Variants in PITPNC1 observed in about 807,000 individuals in gnomAD.
PITPNC1 encodes cytoplasmic phosphatidylinositol transfer protein 1.
In PITPNC1, 18 loss-of-function variants were observed where a neutral mutation model predicts 44.7. The ratio of observed to expected loss-of-function variants is 0.40; its 90% CI spans 0.28 to 0.60. The LOEUF is 0.60. PITPNC1 is among the 20% of genes least tolerant of loss of function. The probability of loss-of-function intolerance (pLI) is 0.39; values close to 1 mark genes in which losing one functional copy is unlikely to be tolerated. For missense variants in PITPNC1, 290 were observed against 418.4 expected (o/e 0.69, Z 2.68); for synonymous variants, 141 against 149.6 (o/e 0.94, Z 0.42).
At chr17:67,621,922 A>C (rs2041834757) in intron 5 of PITPNC1, among the ~76,000 whole-genome samples, 1 of 152,124 alleles carries the variant, frequency 6.6e-6, no homozygotes, top group South Asian at 2.1e-4. Context: ...TTTGAGACGC[A>C]CCTGGGCAAT....
chr17:67,530,757 C>T (rs561107917), intron 1 of PITPNC1, among the ~76,000 whole-genome samples: 1 of 152,274 alleles, frequency 6.6e-6, no homozygotes, highest in South Asian at 2.1e-4. Flanking sequence ...ATCTCCACCC[C>T]CTGGGTAGTG....
chr17:67,587,744 G>C (rs748644217), intron 5 of PITPNC1, among the ~76,000 whole-genome samples: 2 of 152,144 alleles, frequency 1.3e-5, no homozygotes, highest in Non-Finnish European at 2.9e-5. Flanking sequence ...GGAAATAAAC[G>C]ATCTCATTAA....
intron 8 of PITPNC1, among the ~76,000 whole-genome samples, chr17:67,691,497 AT>A (rs1042464520): frequency 1.3e-5 from 2 of 152,024 alleles, no homozygotes; most frequent in Non-Finnish European, 2.9e-5. Flanking sequence ...TTCATTCTCT[AT>A]TCTTTTTAAG....
At chr17:67,591,143 CAAA>C (rs925402128) in intron 5 of PITPNC1, among the ~76,000 whole-genome samples, 4 of 152,018 alleles carry the variant, frequency 2.6e-5, no homozygotes, top group Non-Finnish European at 5.9e-5. Flanking sequence ...AACAAACAAA[CAAA>C]AAACCCATAA....
intron 1 of PITPNC1, among the ~76,000 whole-genome samples, chr17:67,470,398 C>A (rs1377533811): frequency 1.3e-5 from 2 of 152,204 alleles, no homozygotes; most frequent in East Asian, 1.9e-4. Flanking sequence ...CTTCTCTCTA[C>A]CCCCCACATT....
At position 67,402,350 on chromosome 17, in the gene PITPNC1, G is replaced by A. The variant is rs538776554; in HGVS notation, c.48+24148G>A. The stretch of plus-strand genomic sequence containing the variant: ...ATGGGCTGCATTTGGCCCATGGGCC[G>A]TTATTTACTGATCTTAGATATTGGA... On this transcript the variant is annotated intron_variant, in intron 1 of 8. Coordinates refer to ENST00000581322, the MANE Select transcript of PITPNC1 (RefSeq NM_012417.4). Among the ~76,000 whole-genome samples the A allele has an allele frequency of 4.6e-5, 7 of 152,308 alleles. No individual in the cohort carries two copies. The East Asian group carries it at 7.7e-4, about 17-fold the overall frequency.
chr17:67,647,366 C>G (rs1449808335), intron 6 of PITPNC1, among the ~76,000 whole-genome samples: 1 of 151,724 alleles, frequency 6.6e-6, no homozygotes. Flanking sequence ...TCACGACCCA[C>G]TGCTGTCTTG....
chr17:67,667,841 A>G (rs1275763520), intron 6 of PITPNC1, among the ~76,000 whole-genome samples: 1 of 151,986 alleles, frequency 6.6e-6, no homozygotes, highest in African/African-American at 2.4e-5. Flanking sequence ...TTAGCTGGGC[A>G]TGGTGGCGGG....
Position 67,501,845 on chromosome 17 carries a change from A to AT in PITPNC1, c.49-30957_49-30956insT, listed in dbSNP as rs545786278. On this transcript the variant is annotated intron_variant, in intron 1 of 8. Coordinates refer to ENST00000581322, the MANE Select transcript of PITPNC1 (RefSeq NM_012417.4). ...CAAAACTCTGTCTCAAAAAAAAAAA[A>AT]AAGTTTGAGGGAAGTAAGCTTTCTA... Among the ~76,000 whole-genome samples, 662 of 152,256 alleles carry AT rather than the reference A, an allele frequency of 4.3e-3. 16 individuals carry two copies. The highest frequency in any genetic ancestry group is 2.5e-3 in the Non-Finnish European group (169 of 68,010).
chr17:67,644,743 A>G (rs997340374), intron 6 of PITPNC1, among the ~76,000 whole-genome samples: 2 of 152,142 alleles, frequency 1.3e-5, no homozygotes, highest in Non-Finnish European at 2.9e-5. Flanking sequence ...TTCTTTCAAG[A>G]AAACAGGCAA....
chr17:67,603,070 G>A (rs2041562722), intron 5 of PITPNC1, among the ~76,000 whole-genome samples: 1 of 152,072 alleles, frequency 6.6e-6, no homozygotes, highest in South Asian at 2.1e-4. Flanking sequence ...CAGAGCCAGT[G>A]GGTTCATTTG....
intron 4 of PITPNC1, among the ~76,000 whole-genome samples, chr17:67,558,127 G>A (rs1022051036): frequency 3.3e-5 from 5 of 152,224 alleles, no homozygotes; most frequent in African/African-American, 9.6e-5. Context: ...CAAAGCCCAG[G>A]CAAAGAAACC....
chr17:67,417,529 C>T (rs957677881), intron 1 of PITPNC1, among the ~76,000 whole-genome samples: 2 of 152,134 alleles, frequency 1.3e-5, no homozygotes, highest in African/African-American at 4.8e-5. Context: ...GGTTGCCAGC[C>T]TCCCTGAGTC....
At chr17:67,631,404 C>A (rs1002532114) in intron 5 of PITPNC1, among the ~76,000 whole-genome samples, 1 of 144,564 alleles carries the variant, frequency 6.9e-6, no homozygotes, top group East Asian at 2.0e-4. Flanking sequence ...CTGAGGCGGG[C>A]GGATCACGAG....
At chr17:67,562,974 A>T (rs778616690) in intron 4 of PITPNC1, among the ~76,000 whole-genome samples, 4 of 152,174 alleles carry the variant, frequency 2.6e-5, no homozygotes, top group Admixed American at 6.5e-5. Context: ...ACTTTCTTCT[A>T]CTTTTCAAGC....
intron 1 of PITPNC1, among the ~76,000 whole-genome samples, chr17:67,437,761 C>T (rs555070440): frequency 6.6e-6 from 1 of 152,098 alleles, no homozygotes. Flanking sequence ...AACGAATGAA[C>T]AAATGAATGA....
Position 67,676,569 on chromosome 17 carries a change from G to A in PITPNC1, c.682+1027G>A, listed in dbSNP as rs996283637. On this transcript the variant is annotated intron_variant, in intron 8 of 8. Transcript: ENST00000581322. This position sits in a 1 kb window ranked among gnomAD's most constrained non-coding sequence, Gnocchi z 4.0. ...TTAGGTTAGATCTGATTTTCAGGTC[G>A]ATTGTCTAATGAAATGCCCTTCTCC... is the stretch of plus-strand genomic sequence containing the variant. 6.6e-6 allele frequency among the ~76,000 whole-genome samples: 1 copy of A among 152,058 alleles called. No individual in the cohort carries two copies. The highest frequency in any genetic ancestry group is 1.5e-5 in the Non-Finnish European group (1 of 68,028).
chr17:67,572,085 G>A (rs990617983), intron 4 of PITPNC1, among the ~76,000 whole-genome samples: 6 of 152,192 alleles, frequency 3.9e-5, no homozygotes, highest in Non-Finnish European at 7.3e-5. Flanking sequence ...TAGAGAGCAC[G>A]GGATGCTTCA....
chr17:67,408,589 CCCTTTT>C (rs1381215344), intron 1 of PITPNC1, among the ~76,000 whole-genome samples: 1 of 151,860 alleles, frequency 6.6e-6, no homozygotes, highest in Non-Finnish European at 1.5e-5. Context: ...CTTTCCCTTT[CCCTTTT>C]CCTTTCCCTC....
Sources: gnomAD v4.1 joint callset for allele counts (sites outside exome capture counted in the v4.1 genomes callset) on GRCh38, gnomAD v4.1.1 for gene constraint, Gnocchi (gnomAD v3.1) non-coding constraint, MANE v1.5 for transcripts, NCBI Gene and HGNC (gene_info 2026-07-23, HGNC 2026-07-21) for gene names.